Variants in TECPR2 observed in about 807,000 individuals in gnomAD.
TECPR2 encodes the protein tectonin beta-propeller repeat containing 2.
In TECPR2, 65 loss-of-function variants were observed where a neutral mutation model predicts 138.1. The observed-to-expected ratio is 0.47, with a 90% CI of 0.39 to 0.58. The LOEUF is 0.58. Among genes scored for constraint, TECPR2 ranks in the 20% least tolerant of loss-of-function variants. The pLI, the probability that TECPR2 is intolerant of heterozygous loss-of-function variation, is 0.00. For missense variants in TECPR2, 1,553 were observed against 1,824.5 expected (o/e 0.85, Z 2.71); for synonymous variants, 746 against 749.8 (o/e 0.99, Z 0.08).
chr14:102,371,023 A>G (rs1315910683), intron 1 of TECPR2, among the ~76,000 whole-genome samples: 1 of 152,226 alleles, frequency 6.6e-6, no homozygotes, highest in East Asian at 1.9e-4. Flanking sequence ...AAGTTTTACT[A>G]ATCCCATTTC....
Position 102,427,771 on chromosome 14 carries a change from G to A in TECPR2, c.952-479G>A, listed in dbSNP as rs542193147. On this transcript the variant is annotated intron_variant, in intron 6 of 19. Transcript: ENST00000359520. ...TCAGCCCAGGAGTGGGGCGTCAAGCGGAAGTTTGGATGAGGTGCTGCAAGC... is the reference window on the plus strand; with the variant it reads ...TCAGCCCAGGAGTGGGGCGTCAAGCAGAAGTTTGGATGAGGTGCTGCAAGC... Among the ~76,000 whole-genome samples the A allele has an allele frequency of 5.9e-5, 9 of 152,298 alleles. No individual in the cohort carries two copies. In the South Asian group the frequency reaches 8.3e-4, roughly 14 times the overall value.
At position 102,457,869 on chromosome 14, in the gene TECPR2, CTTTTTTTT is replaced by C. The variant is rs748372168; in HGVS notation, c.3640+5256_3640+5263del. On this transcript the variant is annotated intron_variant, in intron 16 of 19. Transcript: ENST00000359520. ...CGCTCCTCTGCTCCCACTAAATTCCCTTTTTTTTTTTTTTTTTTTTTGAGATAGTGTCT... is the reference window on the plus strand; with the variant it reads ...CGCTCCTCTGCTCCCACTAAATTCCCTTTTTTTTTTTTTGAGATAGTGTCT... Among the ~76,000 whole-genome samples the C allele has an allele frequency of 1.0e-3, 105 of 102,748 alleles. 4 individuals carry two copies. The East Asian group carries it at 0.02, about 20-fold the overall frequency. 67.4% of individuals were successfully genotyped at this position (102,748 alleles called of 152,430 possible).
chr14:102,497,158 C>G (rs370568322), intron 18 of TECPR2, 38 bp downstream of exon 18: 103 of 1,594,208 alleles, frequency 6.5e-5, no homozygotes, highest in Non-Finnish European at 8.8e-5. Context: ...TGCCGGCCAG[C>G]CGGGGCTACC....
intron 17 of TECPR2, chr14:102,465,676 G>A: frequency 1.0e-6 from 1 of 983,870 alleles, no homozygotes; most frequent in Non-Finnish European, 1.2e-6. Flanking sequence ...TTTGAATCTT[G>A]TCATGGAGAA....
chr14:102,422,893 C>T (rs1034763082), intron 5 of TECPR2, among the ~76,000 whole-genome samples: 2 of 152,156 alleles, frequency 1.3e-5, no homozygotes, highest in African/African-American at 4.8e-5. Flanking sequence ...CAGTCATTGA[C>T]GGACTGCATG....
At chr14:102,431,569 C>T (rs549300171) in intron 7 of TECPR2, among the ~76,000 whole-genome samples, 482 of 152,180 alleles carry the variant, frequency 3.2e-3, no homozygotes, top group Non-Finnish European at 4.9e-3. Flanking sequence ...GTCTTGATCT[C>T]CTGACCTTGT....
chr14:102,427,954 G>A (rs1889367671), intron 6 of TECPR2, among the ~76,000 whole-genome samples: 1 of 152,228 alleles, frequency 6.6e-6, no homozygotes, highest in South Asian at 2.1e-4. Context: ...GGAGGAACAG[G>A]GCTGGGACTG....
intron 2 of TECPR2, among the ~76,000 whole-genome samples, chr14:102,399,674 C>CA (rs1888416742): frequency 6.6e-6 from 1 of 151,854 alleles, no homozygotes; most frequent in East Asian, 1.9e-4. Flanking sequence ...ACTAAAAATA[C>CA]AAGAATTACC....
chr14:102,396,323 G>C (rs1405231313), intron 2 of TECPR2, among the ~76,000 whole-genome samples: 1 of 151,996 alleles, frequency 6.6e-6, no homozygotes, highest in Non-Finnish European at 1.5e-5. Context: ...GGCTGGTCTT[G>C]AACTCCTGAC....
intron 17 of TECPR2, among the ~76,000 whole-genome samples, chr14:102,484,412 C>A (rs1890974279): frequency 6.6e-6 from 1 of 152,114 alleles, no homozygotes; most frequent in African/African-American, 2.4e-5. Flanking sequence ...CAGAGGCTTT[C>A]TTCAGATGTT....
chr14:102,485,627 C>G (rs942335727), intron 17 of TECPR2, among the ~76,000 whole-genome samples: 1 of 152,138 alleles, frequency 6.6e-6, no homozygotes, highest in African/African-American at 2.4e-5. Context: ...GTTTAAACAA[C>G]GACCTAGGGA....
chr14:102,467,170 A>G (rs1473996181), intron 17 of TECPR2, among the ~76,000 whole-genome samples: 1 of 152,058 alleles, frequency 6.6e-6, no homozygotes, highest in African/African-American at 2.4e-5. Flanking sequence ...TCCCAGTTCT[A>G]TTGGGTATCT....
intron 1 of TECPR2, among the ~76,000 whole-genome samples, chr14:102,365,661 C>A (rs1229378432): frequency 1.3e-5 from 2 of 152,184 alleles, no homozygotes; most frequent in African/African-American, 2.4e-5. Flanking sequence ...ATGAAATCTC[C>A]AGAATAGGCG....
At chr14:102,388,481 G>T (rs1376489908) in intron 2 of TECPR2, among the ~76,000 whole-genome samples, 2 of 150,702 alleles carry the variant, frequency 1.3e-5, no homozygotes, top group Non-Finnish European at 3.0e-5. Flanking sequence ...ATCACTTAAG[G>T]TCAGGAGTTT....
intron 17 of TECPR2, among the ~76,000 whole-genome samples, chr14:102,473,254 G>A (rs1890685388): frequency 6.6e-6 from 1 of 152,196 alleles, no homozygotes. Flanking sequence ...TAGGCTTAGT[G>A]GCCTCACACG....
In TECPR2 at chr14:102,497,708, C is replaced by A; in HGVS notation, c.4070C>A (p.Ser1357Ter). 6.2e-7 allele frequency: 1 copy of A among 1,605,392 alleles called. No individual in the cohort carries two copies. Among genetic ancestry groups the A allele is most frequent in the Non-Finnish European group, 8.5e-7 (1 of 1,175,278 alleles). The change falls in exon 19 of 20, where the codon TCG (serine) becomes TAG (stop). Residue 1357 changes from serine to a stop codon, truncating the protein, a stop_gained. Transcript: ENST00000359520. LOFTEE classifies it high-confidence loss of function. ...DYWKKIPGSV[S>*]CFTVTASDEL... ...TGGAAGAAAATTCCCGGCAGCGTGT[C>A]GTGTTTCACAGGCAGGTGCCCGGGG...
intron 5 of TECPR2, among the ~76,000 whole-genome samples, chr14:102,421,629 G>A (rs1394469708): frequency 6.6e-6 from 1 of 152,190 alleles, no homozygotes; most frequent in Admixed American, 6.5e-5. Context: ...GGGAAGCAGT[G>A]GCACGGAGGC....
chr14:102,452,210 C>T (rs1890162487), intron 15 of TECPR2, among the ~76,000 whole-genome samples, 184 bp from the exon 16 acceptor site: 1 of 152,232 alleles, frequency 6.6e-6, no homozygotes, highest in African/African-American at 2.4e-5. Context: ...CACGGTGTTT[C>T]CCTCTGCCTT....
intron 16 of TECPR2, among the ~76,000 whole-genome samples, chr14:102,457,428 A>G (rs1890301574): frequency 6.6e-6 from 1 of 152,124 alleles, no homozygotes; most frequent in African/African-American, 2.4e-5. Flanking sequence ...AAAATTTTGA[A>G]TGCAGGTGTG....
Sources: allele counts gnomAD v4.1 joint callset (sites outside exome capture counted in the v4.1 genomes callset), GRCh38; gene constraint gnomAD v4.1.1; transcripts MANE v1.5; gene names NCBI Gene and HGNC (gene_info 2026-07-23, HGNC 2026-07-21).